The following PYHIN1 variants were observed in gnomAD, a reference collection of about 807,000 sequenced individuals.
The protein encoded by PYHIN1 is pyrin and HIN domain-containing protein 1.
In PYHIN1, 32 loss-of-function variants were observed where a neutral mutation model predicts 43.7. The ratio of observed to expected loss-of-function variants is 0.73; its 90% CI spans 0.55 to 0.98. The LOEUF (loss-of-function observed/expected upper bound fraction) is 0.98, where lower values mean the gene tolerates loss of function less well. Among genes scored for constraint, PYHIN1 ranks in the 50% least tolerant of loss-of-function variants. PYHIN1 has a pLI of 0.00. For synonymous variants in PYHIN1, 205 were observed against 203.1 expected, an observed-to-expected ratio of 1.01 and a Z score of -0.08; for missense variants, 588 against 589.5, an observed-to-expected ratio of 1.00 and a Z score of 0.03.
At chr1:158,954,789 T>C (rs1435598131) in intron 7 of PYHIN1, among the ~76,000 whole-genome samples, 1 of 151,134 alleles carries the variant, frequency 6.6e-6, no homozygotes, top group East Asian at 2.0e-4. Context: ...ATGCTCCAAT[T>C]AAAAGACACA....
chr1:158,983,753 G>A, the PYHIN1 span, among the ~76,000 whole-genome samples: 16 of 152,198 alleles, frequency 1.1e-4, no homozygotes, highest in Admixed American at 4.6e-4. Flanking sequence ...ATTCAGATGT[G>A]AATCTGTCTG....
chr1:158,982,966 C>T, the PYHIN1 span, among the ~76,000 whole-genome samples: 3 of 152,004 alleles, frequency 2.0e-5, no homozygotes, highest in East Asian at 5.8e-4. Flanking sequence ...TATAGAAATG[C>T]TACTAATTTT....
intron 7 of PYHIN1, among the ~76,000 whole-genome samples, chr1:158,952,285 G>A (rs1649590650): frequency 1.3e-5 from 2 of 151,888 alleles, no homozygotes; most frequent in Admixed American, 6.6e-5. Context: ...GCGGATTTGT[G>A]AGCTTCCCCG....
chr1:158,936,058 TTTATTA>T (rs769135459), intron 1 of PYHIN1, among the ~76,000 whole-genome samples: 3 of 151,744 alleles, frequency 2.0e-5, no homozygotes, highest in African/African-American at 7.3e-5. Flanking sequence ...AACTCTTTCT[TTTATTA>T]TTATTATTAT....
downstream of PYHIN1, chr1:158,977,089 T>C (rs1199627797): frequency 6.5e-6 from 1 of 153,130 alleles, no homozygotes; most frequent in East Asian, 1.9e-4. Context: ...AATCTATCTG[T>C]GAGTTATGTA....
chr1:158,977,637 T>A (rs541482795), downstream of PYHIN1, among the ~76,000 whole-genome samples: 2 of 152,136 alleles, frequency 1.3e-5, no homozygotes, highest in African/African-American at 4.8e-5. Flanking sequence ...AAACTTACAA[T>A]GTATTTATGG....
rs1398186064 is a variant in PYHIN1 at position 158,933,144 on chromosome 1, A to G, written c.-21+1368A>G. Among the ~76,000 whole-genome samples the G allele has an allele frequency of 6.6e-6, 1 of 151,878 alleles. No homozygotes were observed. Among genetic ancestry groups the G allele is most frequent in the Non-Finnish European group, 1.5e-5 (1 of 67,866 alleles). On this transcript the variant is annotated intron_variant, in intron 1 of 8. Coordinates refer to ENST00000368140, the MANE Select transcript of PYHIN1 (RefSeq NM_152501.5). This position sits in a 1 kb window ranked among gnomAD's most constrained non-coding sequence, Gnocchi z 6.3. ...CCTCTCAAATTCATATATATAATATATAGATATGCTCACATGCATAGTTGT... is the reference window on the plus strand; with the variant it reads ...CCTCTCAAATTCATATATATAATATGTAGATATGCTCACATGCATAGTTGT...
intron 7 of PYHIN1, among the ~76,000 whole-genome samples, chr1:158,966,872 C>T (rs2101722691): frequency 6.6e-6 from 1 of 152,028 alleles, no homozygotes. Flanking sequence ...AGGAATCAGG[C>T]AAGATAAAGA....
rs1014289184 is a variant in PYHIN1 at position 158,945,123 on chromosome 1, T to C, written c.1359+81T>C. 4 of 1,378,646 alleles carry C rather than the reference T, an allele frequency of 2.9e-6. No homozygotes were observed. The Admixed American group carries it at 6.5e-5, about 23-fold the overall frequency. The allele number at this position is 1,378,646 out of a possible 1,614,324, so 85.4% of individuals were successfully genotyped here. ...ATTAGATTGTTGAAAGAGTTTCTCT[T>C]CTAATCCCTAACTGTGTACAATCTC... On this transcript the variant is annotated intron_variant, in intron 7 of 8. Coordinates refer to ENST00000368140, the MANE Select transcript of PYHIN1 (RefSeq NM_152501.5).
intron 1 of PYHIN1, among the ~76,000 whole-genome samples, chr1:158,936,048 A>G (rs1343120348): frequency 6.6e-6 from 1 of 152,112 alleles, no homozygotes; most frequent in Non-Finnish European, 1.5e-5. Context: ...ATTCATGGAC[A>G]ACTCTTTCTT....
At chr1:158,967,255 T>C (rs932390762) in intron 7 of PYHIN1, among the ~76,000 whole-genome samples, 2 of 152,060 alleles carry the variant, frequency 1.3e-5, no homozygotes, top group Non-Finnish European at 2.9e-5. Context: ...GTGTCTTATG[T>C]GACAGGCACT....
At chr1:158,934,256 G>C (rs1648368897) in intron 1 of PYHIN1, among the ~76,000 whole-genome samples, 1 of 152,194 alleles carries the variant, frequency 6.6e-6, no homozygotes, top group African/African-American at 2.4e-5. Context: ...TTGTGTTTAA[G>C]TGGAATAAAT....
rs1648589751 is a variant in PYHIN1, at chr1:158,936,996, T to C, written c.86T>C (p.Leu29Pro). ...DYHFRIVKSL[L>P]SNDLKLNPKM... is the part of the protein sequence containing the mutation. ...CATTTTAGAATTGTTAAGTCCTTACTGAGTAACGATTTAAAACTTAATCCA... is the reference window on the plus strand; with the variant it reads ...CATTTTAGAATTGTTAAGTCCTTACCGAGTAACGATTTAAAACTTAATCCA... Residue 29 changes from leucine to proline, a missense_variant, in exon 2 of 9, where the codon CTG becomes CCG. By Grantham distance (98) the Leu-to-Pro change is moderately conservative. Transcript: ENST00000368140. 6.2e-7 allele frequency: 1 copy of C among 1,613,728 alleles called. No individual in the cohort carries two copies. Among genetic ancestry groups the C allele is most frequent in the African/African-American group, 1.3e-5 (1 of 74,930 alleles).
At chr1:158,988,432 A>C in the PYHIN1 span, among the ~76,000 whole-genome samples, 1 of 152,208 alleles carries the variant, frequency 6.6e-6, no homozygotes, top group Non-Finnish European at 1.5e-5. Flanking sequence ...AGAAAGAAAG[A>C]GAGGAGAGTC....
rs562519359 is a variant in PYHIN1, at chr1:158,933,425, A to C, written c.-21+1649A>C. On this transcript the variant is annotated intron_variant, in intron 1 of 8. Coordinates refer to ENST00000368140, the MANE Select transcript of PYHIN1 (RefSeq NM_152501.5). The surrounding 1 kb of genome is among the most constrained non-coding windows in gnomAD (Gnocchi z 6.3). Reference sequence around the variant, plus strand: ...ACCTTTTACCATGTGGTATCTGATAATACTCTTTGTCTTAAGATCTTTTAA... The same window carrying C: ...ACCTTTTACCATGTGGTATCTGATACTACTCTTTGTCTTAAGATCTTTTAA... Among the ~76,000 whole-genome samples, 1 of 151,830 alleles carries C rather than the reference A, an allele frequency of 6.6e-6. No individual in the cohort carries two copies. Among genetic ancestry groups the C allele is most frequent in the Non-Finnish European group, 1.5e-5 (1 of 67,876 alleles).
intron 7 of PYHIN1, among the ~76,000 whole-genome samples, chr1:158,962,774 C>T (rs1650396729): frequency 6.6e-6 from 1 of 152,170 alleles, no homozygotes; most frequent in Non-Finnish European, 1.5e-5. Context: ...TCAGACAGGG[C>T]TCCTGGCTTT....
At chr1:158,989,625 A>G in the PYHIN1 span, among the ~76,000 whole-genome samples, 3 of 152,182 alleles carry the variant, frequency 2.0e-5, no homozygotes, top group East Asian at 1.9e-4. Flanking sequence ...AAGAACACCA[A>G]AGATTTCTGG....
At chr1:158,944,753 G>A (rs1557828628) in intron 6 of PYHIN1, 122 bp from the exon 7 acceptor site, 1 of 693,632 alleles carries the variant, frequency 1.4e-6, no homozygotes, top group African/African-American at 1.8e-5. Context: ...TTAGATAGAG[G>A]CAATCTTTGA....
intron 7 of PYHIN1, among the ~76,000 whole-genome samples, chr1:158,956,527 G>GA (rs959624533): frequency 3.3e-5 from 5 of 151,048 alleles, no homozygotes; most frequent in Admixed American, 6.6e-5. Flanking sequence ...AATAGATGCA[G>GA]AAAAAGCCTT....
Sources: allele counts gnomAD v4.1 joint callset (sites outside exome capture counted in the v4.1 genomes callset), GRCh38; gene constraint gnomAD v4.1.1; non-coding constraint Gnocchi (gnomAD v3.1); transcripts MANE v1.5; gene names NCBI Gene and HGNC (gene_info 2026-07-23, HGNC 2026-07-21).